Variants in IL1R1 observed in about 807,000 individuals in gnomAD.
IL1R1 encodes interleukin 1 receptor type 1.
A neutral mutation model predicts 50.2 loss-of-function variants in IL1R1; 22 were observed. The observed-to-expected ratio is 0.44, with a 90% CI of 0.31 to 0.63. The LOEUF is 0.63. IL1R1 is among the 20% of genes least tolerant of loss of function. IL1R1 has a pLI of 0.07. For missense variants in IL1R1, 509 were observed against 676.2 expected (o/e 0.75, Z 2.74); for synonymous variants, 251 against 236.7 (o/e 1.06, Z -0.55).
At chr2:102,146,622 C>T (rs1279665631) in intron 1 of IL1R1, among the ~76,000 whole-genome samples, 1 of 152,148 alleles carries the variant, frequency 6.6e-6, no homozygotes, top group African/African-American at 2.4e-5. Context: ...ATTCTTCTCT[C>T]AATTTTCACA....
intron 2 of IL1R1, among the ~76,000 whole-genome samples, chr2:102,155,335 G>A (rs3917234): frequency 1.8e-4 from 27 of 152,330 alleles, no homozygotes; most frequent in African/African-American, 5.8e-4. Context: ...ACTGAGGCAC[G>A]GAGGCTGAGC....
intron 1 of IL1R1, among the ~76,000 whole-genome samples, chr2:102,094,548 C>T (rs59917670): frequency 0.027 from 4,126 of 152,184 alleles, 199 homozygotes; most frequent in African/African-American, 0.092. Context: ...TTCTATGAAA[C>T]GGTTGAAAGG....
Position 102,157,539 on chromosome 2 carries a change from C to T in IL1R1, c.-6-180C>T, listed in dbSNP as rs2287048. Among the ~76,000 whole-genome samples the T allele has an allele frequency of 0.13, 20,444 of 152,100 alleles. 1,824 individuals are homozygous for T. The highest frequency in any genetic ancestry group is 0.25 in the East Asian group (1,293 of 5,166). On this transcript the variant is annotated intron_variant, in intron 2 of 11. Transcript: ENST00000410023. ...ACTCTTTATCCCTTTTTGTTCCCCA[C>T]CCCATTTTCTAACCAGAAGTCAAAT... is the stretch of plus-strand genomic sequence containing the variant.
chr2:102,090,025 A>G (rs2104308939), intron 1 of IL1R1, among the ~76,000 whole-genome samples: 1 of 151,504 alleles, frequency 6.6e-6, no homozygotes, highest in African/African-American at 2.4e-5. Context: ...TAGTAGAGAC[A>G]GGGTTTCACC....
chr2:102,101,431 C>A (rs1473737348), upstream of IL1R1, among the ~76,000 whole-genome samples: 1 of 152,202 alleles, frequency 6.6e-6, no homozygotes, highest in African/African-American at 2.4e-5. Flanking sequence ...CTCTTAATGA[C>A]CCATAGCATG....
At chr2:102,090,177 C>T (rs1341769816) in intron 1 of IL1R1, among the ~76,000 whole-genome samples, 2 of 148,308 alleles carry the variant, frequency 1.3e-5, no homozygotes, top group Admixed American at 6.7e-5. Flanking sequence ...GTAATTTGGC[C>T]TTCTAGTCCT....
intron 6 of IL1R1, among the ~76,000 whole-genome samples, chr2:102,166,893 TTGTTCTTGTTAA>T (rs1685226423): frequency 6.6e-6 from 1 of 152,180 alleles, no homozygotes; most frequent in African/African-American, 2.4e-5. Context: ...TGTAGGATGA[TTGTTCTTGTTAA>T]TTTTCTTGTG....
chr2:102,096,768 C>T (rs1375576641), intron 1 of IL1R1, among the ~76,000 whole-genome samples: 4 of 151,204 alleles, frequency 2.6e-5, no homozygotes, highest in Admixed American at 6.6e-5. Context: ...CTTTTTAAAA[C>T]TTTTAATTTT....
At chr2:102,154,406 C>G (rs1006956065) in intron 2 of IL1R1, among the ~76,000 whole-genome samples, 1 of 152,204 alleles carries the variant, frequency 6.6e-6, no homozygotes, top group African/African-American at 2.4e-5. Context: ...CTGCTCACCT[C>G]GTTCCAAGAG....
intron 1 of IL1R1, among the ~76,000 whole-genome samples, chr2:102,082,416 T>C (rs1325598006): frequency 6.6e-6 from 1 of 152,228 alleles, no homozygotes; most frequent in Non-Finnish European, 1.5e-5. Flanking sequence ...GTATAGTGCA[T>C]CTTGGAATGT....
chr2:102,157,722 A>G lies in IL1R1; in HGVS notation c.-3A>G, dbSNP rs1212247993. The G allele has an allele frequency of 6.3e-7, 1 of 1,594,524 alleles. No individual in the cohort carries two copies. Among genetic ancestry groups the G allele is most frequent in the Non-Finnish European group, 8.6e-7 (1 of 1,162,984 alleles). The stretch of plus-strand genomic sequence containing the variant: ...TTTCGTTCCTCCATTTCTCCAGAAG[A>G]ATATGAAAGTGTTACTCAGACTTAT... On this transcript the variant is annotated 5_prime_UTR_variant, in exon 3 of 12. Coordinates refer to ENST00000410023, the MANE Select transcript of IL1R1 (RefSeq NM_000877.4).
intron 1 of IL1R1, among the ~76,000 whole-genome samples, chr2:102,123,476 ATACT>A (rs1249334065): frequency 1.3e-5 from 2 of 152,172 alleles, no homozygotes; most frequent in Non-Finnish European, 2.9e-5. Flanking sequence ...TATCAAAATA[ATACT>A]TTGTTTATAC....
At chr2:102,112,664 A>T (rs1370544301) in intron 1 of IL1R1, among the ~76,000 whole-genome samples, 2 of 152,184 alleles carry the variant, frequency 1.3e-5, no homozygotes, top group Non-Finnish European at 2.9e-5. Context: ...ACCATAGAAA[A>T]GTCTAGAAAT....
rs75439746 is a variant in IL1R1 at position 102,120,689 on chromosome 2, C to T, written c.-84+15817C>T. Among the ~76,000 whole-genome samples the T allele has an allele frequency of 9.1e-3, 1,389 of 152,252 alleles. 26 individuals carry two copies. Among genetic ancestry groups the T allele is most frequent in the African/African-American group, 0.032 (1,312 of 41,542 alleles). ...CAATTCAGGTTTCCTGAAGCAGAAG[C>T]TTGTTTTCTTCAATTCACCTTTGCA... On this transcript the variant is annotated intron_variant, in intron 1 of 10. Coordinates refer to the IL1R1 transcript ENST00000409329.
chr2:102,122,493 A>T (rs1171638217), intron 1 of IL1R1, among the ~76,000 whole-genome samples: 3 of 152,206 alleles, frequency 2.0e-5, no homozygotes, highest in Admixed American at 2.0e-4. Flanking sequence ...ATAGCAACTG[A>T]ATCTAAAAAA....
At chr2:102,133,993 G>A (rs1682194965) in intron 1 of IL1R1, among the ~76,000 whole-genome samples, 1 of 152,154 alleles carries the variant, frequency 6.6e-6, no homozygotes. Context: ...GTCTATGTAG[G>A]AAACACTATG....
chr2:102,096,875 C>CTTTTT (rs11300476), intron 1 of IL1R1, among the ~76,000 whole-genome samples: 1 of 137,864 alleles, frequency 7.3e-6, no homozygotes. Context: ...TGAAGTGGAT[C>CTTTTT]TTTTTTTTTT....
intron 3 of IL1R1, among the ~76,000 whole-genome samples, chr2:102,163,638 A>T (rs1684920229): frequency 6.6e-6 from 1 of 152,170 alleles, no homozygotes; most frequent in African/African-American, 2.4e-5. Flanking sequence ...CAATAGTAAT[A>T]AACTATTTTA....
intron 1 of IL1R1, among the ~76,000 whole-genome samples, chr2:102,131,998 C>T (rs999435055): frequency 6.6e-6 from 1 of 151,888 alleles, no homozygotes; most frequent in Non-Finnish European, 1.5e-5. Context: ...GTAGCAGATT[C>T]CTCATAGAAA....
Sources: gnomAD v4.1 joint callset for allele counts (sites outside exome capture counted in the v4.1 genomes callset) on GRCh38, gnomAD v4.1.1 for gene constraint, MANE v1.5 for transcripts, NCBI Gene and HGNC (gene_info 2026-07-23, HGNC 2026-07-21) for gene names.